CSMD1: variants seen among roughly 807,000 people sequenced by gnomAD.
CSMD1 encodes the protein CUB and Sushi multiple domains 1, also known as CUB and sushi domain-containing protein 1.
In CSMD1, 213 loss-of-function variants were observed where a neutral mutation model predicts 417.5. The ratio of observed to expected loss-of-function variants is 0.51; its 90% confidence interval spans 0.46 to 0.57. The LOEUF (loss-of-function observed/expected upper bound fraction) is 0.57. Ranked by LOEUF, CSMD1 falls within the 20% of genes least tolerant of loss-of-function variation. CSMD1 has a pLI of 0.00. For missense variants in CSMD1, 6,923 were observed against 4,529.7 expected, an observed-to-expected ratio of 1.53 and a Z score of -15.17; for synonymous variants, 2,862 against 1,736.8, an observed-to-expected ratio of 1.65 and a Z score of -16.11.
chr8:3,811,324 T>C (rs866695270), intron 5 of CSMD1, among the ~76,000 whole-genome samples: 1 of 152,230 alleles, frequency 6.6e-6, no homozygotes, highest in Non-Finnish European at 1.5e-5. Context: ...CTTCACACTG[T>C]ACCTTAATTA....
At chr8:3,091,469 C>G (rs779725350) in intron 48 of CSMD1, 47 bp downstream of exon 48, 1 of 1,407,246 alleles carries the variant, frequency 7.1e-7, no homozygotes, top group South Asian at 1.4e-5. Context: ...ATGAAAATCA[C>G]CTGTTTTAAA....
intron 3 of CSMD1, among the ~76,000 whole-genome samples, chr8:4,367,430 G>A (rs567266533): frequency 6.6e-6 from 1 of 152,184 alleles, no homozygotes; most frequent in East Asian, 1.9e-4. Context: ...GTCTATTTCT[G>A]TACCAGTACC....
intron 11 of CSMD1, among the ~76,000 whole-genome samples, chr8:3,485,624 G>C (rs180708504): frequency 6.6e-6 from 1 of 151,872 alleles, no homozygotes; most frequent in East Asian, 1.9e-4. Flanking sequence ...GCTGGGTGTG[G>C]TGGCGCATGC....
chr8:4,757,944 A>AGAG (rs1182398277), intron 1 of CSMD1, among the ~76,000 whole-genome samples: 3 of 145,102 alleles, frequency 2.1e-5, no homozygotes, highest in South Asian at 2.3e-4. Context: ...TGGGCAACAG[A>AGAG]GAGAGACTTT....
intron 3 of CSMD1, among the ~76,000 whole-genome samples, chr8:4,237,534 C>CTTT (rs11433104): frequency 1.3e-5 from 2 of 149,280 alleles, no homozygotes; most frequent in Non-Finnish European, 3.0e-5. Flanking sequence ...GTCAATACTA[C>CTTT]TTTTTTTTTT....
chr8:4,799,551 A>T (rs1415518689), intron 1 of CSMD1, among the ~76,000 whole-genome samples: 1 of 124,682 alleles, frequency 8.0e-6, no homozygotes, highest in Non-Finnish European at 1.6e-5. Flanking sequence ...GTGAGCTGAG[A>T]TTGCACCACT....
At chr8:4,713,270 G>C (rs375072837) in intron 1 of CSMD1, among the ~76,000 whole-genome samples, 2 of 152,250 alleles carry the variant, frequency 1.3e-5, no homozygotes, top group African/African-American at 2.4e-5. Context: ...CGGAGCAGGA[G>C]AGTGTAGTTT....
intron 2 of CSMD1, among the ~76,000 whole-genome samples, chr8:4,551,183 G>C (rs552423225): frequency 2.6e-5 from 4 of 152,160 alleles, no homozygotes; most frequent in African/African-American, 7.2e-5. Context: ...CACGGACTCA[G>C]CTCAGAAATG....
chr8:3,022,516 T>C (rs2128972203), intron 51 of CSMD1, among the ~76,000 whole-genome samples: 1 of 152,362 alleles, frequency 6.6e-6, no homozygotes, highest in Non-Finnish European at 1.5e-5. Flanking sequence ...ATTCTATGAT[T>C]ATATTCACGT....
intron 17 of CSMD1, among the ~76,000 whole-genome samples, chr8:3,389,025 G>A (rs1486380219): frequency 6.6e-6 from 1 of 152,072 alleles, no homozygotes; most frequent in Admixed American, 6.6e-5. Context: ...TGAACACATG[G>A]TACCCAATGC....
At chr8:4,027,047 A>G (rs1187787557) in intron 4 of CSMD1, among the ~76,000 whole-genome samples, 2 of 152,218 alleles carry the variant, frequency 1.3e-5, no homozygotes, top group African/African-American at 4.8e-5. Flanking sequence ...AGAACTTGGA[A>G]AAGAAGCAGA....
intron 50 of CSMD1, among the ~76,000 whole-genome samples, chr8:3,037,467 C>CG (rs1350610119): frequency 6.6e-6 from 1 of 152,152 alleles, no homozygotes; most frequent in Non-Finnish European, 1.5e-5. Flanking sequence ...CTCGGCCTCC[C>CG]TATACCGCAC....
At chr8:4,710,600 C>G (rs1381500876) in intron 1 of CSMD1, among the ~76,000 whole-genome samples, 1 of 151,132 alleles carries the variant, frequency 6.6e-6, no homozygotes, top group African/African-American at 2.4e-5. Context: ...GATCCCAGCA[C>G]TTTGGGAGAC....
chr8:4,000,871 A>G lies in CSMD1; in HGVS notation c.611-2761T>C, dbSNP rs549946162. 4.6e-5 allele frequency among the ~76,000 whole-genome samples: 7 copies of G among 152,264 alleles called. No homozygotes were observed. In the South Asian group the frequency reaches 1.4e-3, roughly 31 times the overall value. On this transcript the variant is annotated intron_variant, in intron 4 of 69. Coordinates refer to ENST00000635120, the MANE Select transcript of CSMD1 (RefSeq NM_033225.6). ...TAATACCTTTATTACCTAAGAAGAT[A>G]AAATATCATAGATGTGTGGAATTAA...
chr8:3,213,128 T>C (rs865813541), intron 30 of CSMD1, among the ~76,000 whole-genome samples: 1 of 152,160 alleles, frequency 6.6e-6, no homozygotes, highest in Middle Eastern at 3.2e-3. Flanking sequence ...GCCCAGTCTC[T>C]TATACAGTAA....
At chr8:3,093,219 A>G (rs903285050) in intron 47 of CSMD1, among the ~76,000 whole-genome samples, 4 of 152,182 alleles carry the variant, frequency 2.6e-5, no homozygotes, top group African/African-American at 4.8e-5. Flanking sequence ...CTGATCTAAT[A>G]TAACTGATGT....
chr8:4,469,576 G>A (rs978737220), intron 2 of CSMD1, among the ~76,000 whole-genome samples: 2 of 152,120 alleles, frequency 1.3e-5, no homozygotes, highest in African/African-American at 4.8e-5. Flanking sequence ...AGTAGCTTGT[G>A]CAAACACCTT....
At chr8:3,168,550 CATG>C (rs1820376378) in intron 37 of CSMD1, among the ~76,000 whole-genome samples, 2 of 151,902 alleles carry the variant, frequency 1.3e-5, no homozygotes, top group South Asian at 4.1e-4. Context: ...TGTCAAATGC[CATG>C]ATTATAGACA....
At position 3,994,293 on chromosome 8, in the gene CSMD1, G is replaced by T. The variant is rs1478245138; in HGVS notation, c.818+3610C>A. Among the ~76,000 whole-genome samples, 4 of 152,110 alleles carry T rather than the reference G, an allele frequency of 2.6e-5. No individual in the cohort carries two copies. In the East Asian group the frequency reaches 5.8e-4, roughly 22 times the overall value. On this transcript the variant is annotated intron_variant, in intron 5 of 69. Coordinates refer to ENST00000635120, the MANE Select transcript of CSMD1 (RefSeq NM_033225.6). ...TTTAAAGGGAGTAAATGCTCCCTCA[G>T]TGTTCCCAGCCAAGACTATACAACC...
Sources: allele counts gnomAD v4.1 joint callset (sites outside exome capture counted in the v4.1 genomes callset), GRCh38; gene constraint gnomAD v4.1.1; transcripts MANE v1.5; gene names NCBI Gene and HGNC (gene_info 2026-07-23, HGNC 2026-07-21).